Variants in SETD5 observed in about 807,000 individuals in gnomAD.
The protein encoded by SETD5 is SET domain containing 5.
A neutral mutation model predicts 153.3 loss-of-function variants in SETD5; 44 were observed. The observed-to-expected ratio is 0.29, with a 90% CI of 0.23 to 0.37. The LOEUF is 0.37. Among genes scored for constraint, SETD5 ranks in the 10% least tolerant of loss-of-function variants. SETD5 has a pLI of 1.00. For synonymous variants in SETD5, 716 were observed against 645.2 expected, an observed-to-expected ratio of 1.11 and a Z score of -1.66; for missense variants, 1,544 against 1,768.0, an observed-to-expected ratio of 0.87 and a Z score of 2.27.
At chr3:9,408,271 C>A (rs1009159857) in intron 1 of SETD5, among the ~76,000 whole-genome samples, 2 of 152,150 alleles carry the variant, frequency 1.3e-5, no homozygotes, top group African/African-American at 4.8e-5. Flanking sequence ...CCTCTCTGAA[C>A]CCCCATTTCC....
chr3:9,428,206 TA>T (rs2125037778), intron 2 of SETD5, among the ~76,000 whole-genome samples: 1 of 152,274 alleles, frequency 6.6e-6, no homozygotes, highest in Non-Finnish European at 1.5e-5. Flanking sequence ...ACCCCACAAA[TA>T]AAGTTGCTAA....
At chr3:9,442,029 A>ACTG (rs1204350734) in intron 9 of SETD5, 99 bp from the exon 10 acceptor site, 2 of 830,082 alleles carry the variant, frequency 2.4e-6, no homozygotes, top group Non-Finnish European at 3.9e-6. Flanking sequence ...GTTGCAAAAG[A>ACTG]CTGCTGCTGC....
intron 19 of SETD5, among the ~76,000 whole-genome samples, chr3:9,472,821 C>A (rs1408447791): frequency 2.6e-5 from 4 of 152,094 alleles, no homozygotes; most frequent in Non-Finnish European, 5.9e-5. Context: ...AGCCATCAGT[C>A]ACCTGGGAGG....
intron 1 of SETD5, among the ~76,000 whole-genome samples, chr3:9,419,270 T>C (rs1288213111): frequency 2.6e-5 from 4 of 152,240 alleles, no homozygotes; most frequent in Non-Finnish European, 4.4e-5. Context: ...CATAGTAATA[T>C]ATGTATATTA....
Position 9,476,459 on chromosome 3 carries a change from T to TAAAAAAAA in SETD5, c.*380_*387dup, listed in dbSNP as rs5846639. Reference sequence around the variant, plus strand: ...TGCAGTGAGGACATCTTTTTAAATTTAAAAAAAAAAAAAAAAAAAGTTTTC... The same window carrying TAAAAAAAA: ...TGCAGTGAGGACATCTTTTTAAATTTAAAAAAAAAAAAAAAAAAAAAAAAAAAGTTTTC... On this transcript the variant is annotated 3_prime_UTR_variant, in exon 23 of 23. Coordinates refer to ENST00000402198, the MANE Select transcript of SETD5 (RefSeq NM_001080517.3). 2.6e-5 allele frequency: 3 copies of TAAAAAAAA among 113,598 alleles called. No individual in the cohort carries two copies. The highest frequency in any genetic ancestry group is 1.9e-5 in the Non-Finnish European group (1 of 53,090). 7.0% of individuals were successfully genotyped at this position (113,598 alleles called of 1,614,324 possible).
At chr3:9,475,331 G>A in intron 22 of SETD5, 152 bp from the exon 23 acceptor site, 2 of 1,209,482 alleles carry the variant, frequency 1.7e-6, no homozygotes, top group African/African-American at 3.1e-5. Context: ...TGAATACGGT[G>A]ATCAAAGACA....
chr3:9,468,706 A>T, intron 18 of SETD5: 1 of 668,212 alleles, frequency 1.5e-6, no homozygotes, highest in Non-Finnish European at 2.3e-6. Flanking sequence ...CCACTCAGTC[A>T]CAGTAAGTTG....
chr3:9,446,467 G>T (rs2125260772), intron 13 of SETD5, among the ~76,000 whole-genome samples: 1 of 151,166 alleles, frequency 6.6e-6, no homozygotes, highest in South Asian at 2.1e-4. Flanking sequence ...AACCAATCCT[G>T]TGTGTTTATG....
At chr3:9,399,573 C>G (rs2034410511) in intron 1 of SETD5, among the ~76,000 whole-genome samples, 1 of 151,916 alleles carries the variant, frequency 6.6e-6, no homozygotes, top group African/African-American at 2.4e-5. Flanking sequence ...GAATTATGCC[C>G]TTTGGTAGGA....
intron 3 of SETD5, chr3:9,432,129 T>C: frequency 5.1e-6 from 1 of 194,194 alleles, no homozygotes; most frequent in South Asian, 1.8e-4. Flanking sequence ...GTTCAGATCA[T>C]CTTTTTCTCA....
At chr3:9,444,748 G>A (rs1468871807) in intron 11 of SETD5, among the ~76,000 whole-genome samples, 1 of 151,802 alleles carries the variant, frequency 6.6e-6, no homozygotes, top group Non-Finnish European at 1.5e-5. Context: ...AAAATTAGCT[G>A]GGCGTGTAGT....
chr3:9,434,711 A>G lies in SETD5; in HGVS notation c.330-113A>G, dbSNP rs2040351476. 10 of 1,468,308 alleles carry G rather than the reference A, an allele frequency of 6.8e-6. No individual in the cohort carries two copies. Among genetic ancestry groups the G allele is most frequent in the Non-Finnish European group, 2.7e-6 (3 of 1,105,644 alleles). 91.0% of individuals were successfully genotyped at this position (1,468,308 alleles called of 1,614,324 possible). On this transcript the variant is annotated intron_variant, in intron 5 of 22. Transcript: ENST00000402198. The surrounding 1 kb of genome is among the most constrained non-coding windows in gnomAD (Gnocchi z 5.6). ...ATATGAAATTTAATGTCCTGGAAAC[A>G]TTTGGTAGGTGGGAGGGAGGGGGTA...
intron 12 of SETD5, 93 bp from the exon 13 acceptor site, chr3:9,445,564 A>T: frequency 1.8e-6 from 2 of 1,135,254 alleles, no homozygotes; most frequent in South Asian, 2.8e-5. Flanking sequence ...AAAGCACTAG[A>T]GATTGTTATA....
intron 1 of SETD5, 27 bp from the exon 2 acceptor site, chr3:9,424,440 A>C (rs2038857171): frequency 6.6e-6 from 1 of 152,210 alleles, no homozygotes; most frequent in African/African-American, 2.4e-5. Flanking sequence ...TTCTTTCTGT[A>C]CTAATTTTTG....
intron 1 of SETD5, among the ~76,000 whole-genome samples, chr3:9,403,740 G>A (rs1378534694): frequency 6.6e-6 from 1 of 152,096 alleles, no homozygotes; most frequent in African/African-American, 2.4e-5. Flanking sequence ...AGTTTATTAA[G>A]ACTTAGTATG....
chr3:9,452,662 T>A (rs1181920753), intron 16 of SETD5, among the ~76,000 whole-genome samples: 1 of 126,582 alleles, frequency 7.9e-6, no homozygotes, highest in Non-Finnish European at 1.6e-5. Context: ...ATGTAAGATT[T>A]TTTTTTTTTT....
chr3:9,435,200 G>A (rs995680065), intron 6 of SETD5, among the ~76,000 whole-genome samples: 8 of 143,518 alleles, frequency 5.6e-5, no homozygotes, highest in Non-Finnish European at 7.5e-5. Context: ...CTGAGATTGC[G>A]CCAGTGCACT....
chr3:9,475,837 G>T lies in SETD5; in HGVS notation c.4075G>T (p.Asp1359Tyr). Residue 1359 changes from aspartate to tyrosine, a missense_variant, in exon 23 of 23, where the codon GAT becomes TAT. Around this residue, in one of 9 missense-constraint regions of SETD5, gnomAD observed 302 missense variants for 277.6 expected, o/e 1.09. Coordinates refer to ENST00000402198, the MANE Select transcript of SETD5 (RefSeq NM_001080517.3). The stretch of plus-strand genomic sequence containing the variant: ...GGGACCCTCAGACTCGCCAACCTCA[G>T]ATTCAGTTTCTCAGTCCAGCACAGG... The part of the protein sequence containing the change: ...LQGPSDSPTS[D>Y]SVSQSSTGTL... 2 of 1,613,996 alleles carry T rather than the reference G, an allele frequency of 1.2e-6. No homozygotes were observed. Among genetic ancestry groups the T allele is most frequent in the Non-Finnish European group, 1.7e-6 (2 of 1,179,886 alleles).
intron 19 of SETD5, among the ~76,000 whole-genome samples, chr3:9,472,688 TTCTC>T (rs887125208): frequency 4.0e-5 from 6 of 151,892 alleles, no homozygotes; most frequent in Non-Finnish European, 8.8e-5. Flanking sequence ...TTGTTTTTCC[TTCTC>T]TCTCTCCCTC....
Sources: gnomAD v4.1 joint callset for allele counts (sites outside exome capture counted in the v4.1 genomes callset) on GRCh38, gnomAD v4.1.1 for gene constraint, gnomAD v4.1.1 regional missense constraint, Gnocchi (gnomAD v3.1) non-coding constraint, MANE v1.5 for transcripts, NCBI Gene and HGNC (gene_info 2026-07-23, HGNC 2026-07-21) for gene names.